Variants in GPR176 observed in about 807,000 individuals in gnomAD.
The protein encoded by GPR176 is G-protein coupled receptor 176.
GPR176 carries 26 observed loss-of-function variants against 35.4 expected under a neutral mutation model. That is an observed-to-expected ratio of 0.74 (90% CI 0.54 to 1.02). The LOEUF (loss-of-function observed/expected upper bound fraction) is 1.02, where lower values mean the gene tolerates loss of function less well. GPR176 is among the 50% of genes least tolerant of loss of function. The probability of loss-of-function intolerance (pLI) is 0.00; values close to 1 mark genes in which losing one functional copy is unlikely to be tolerated. For synonymous variants in GPR176, 278 were observed against 271.3 expected (o/e 1.02, Z -0.24); for missense variants, 597 against 665.3 (o/e 0.90, Z 1.13).
At chr15:39,916,391 A>G (rs976254634) in intron 1 of GPR176, among the ~76,000 whole-genome samples, 1 of 152,222 alleles carries the variant, frequency 6.6e-6, no homozygotes, top group Non-Finnish European at 1.5e-5. Flanking sequence ...CCCCCAAAAT[A>G]CATATTATTT....
chr15:39,866,358 T>C (rs969936505), intron 1 of GPR176, among the ~76,000 whole-genome samples: 1 of 152,108 alleles, frequency 6.6e-6, no homozygotes, highest in Non-Finnish European at 1.5e-5. Flanking sequence ...TAAACTAAAA[T>C]GGGGAAAAAC....
intron 1 of GPR176, among the ~76,000 whole-genome samples, chr15:39,887,240 T>C (rs760742080): frequency 5.3e-5 from 8 of 152,222 alleles, no homozygotes; most frequent in Non-Finnish European, 1.0e-4. Flanking sequence ...GGCTGGGTCC[T>C]AGAAGCAGAA....
At chr15:39,902,691 G>A (rs1054277907) in intron 1 of GPR176, among the ~76,000 whole-genome samples, 3 of 152,180 alleles carry the variant, frequency 2.0e-5, no homozygotes, top group African/African-American at 7.2e-5. Context: ...TTAACACTCA[G>A]GTTGACTTCA....
In GPR176 at chr15:39,890,314, G is replaced by A. The variant is rs148210018; in HGVS notation, c.172+29541C>T. On this transcript the variant is annotated intron_variant, in intron 1 of 2. Transcript: ENST00000561100. ...CCTATTCACACTAATTTTCTAATTC[G>A]GGTTTTTTGCAGGTCACTATAGAAG... Among the ~76,000 whole-genome samples the A allele has an allele frequency of 9.9e-5, 15 of 152,208 alleles. No individual in the cohort carries two copies. The East Asian group carries it at 1.3e-3, about 14-fold the overall frequency.
chr15:39,853,001 T>C (rs942693313), intron 1 of GPR176, among the ~76,000 whole-genome samples: 12 of 152,148 alleles, frequency 7.9e-5, no homozygotes, highest in African/African-American at 2.2e-4. Flanking sequence ...TGGAAAACAG[T>C]ATGGAGGTTC....
intron 1 of GPR176, among the ~76,000 whole-genome samples, chr15:39,872,911 CTGTGTGTGTGTGTGTGTG>C (rs6145533): frequency 0.032 from 4,547 of 141,454 alleles, 162 homozygotes; most frequent in African/African-American, 0.086. Flanking sequence ...TCCAAAATAT[CTGTGTGTGTGTGTGTGTG>C]TGTGTGTGTG....
chr15:39,888,221 T>C (rs939589239), intron 1 of GPR176, among the ~76,000 whole-genome samples: 1 of 152,210 alleles, frequency 6.6e-6, no homozygotes, highest in Middle Eastern at 3.2e-3. Flanking sequence ...ACATATGTGT[T>C]AACTTCTTGC....
At chr15:39,803,607 A>G (rs992847121) in intron 2 of GPR176, among the ~76,000 whole-genome samples, 12 of 152,174 alleles carry the variant, frequency 7.9e-5, no homozygotes, top group Admixed American at 2.0e-4. Context: ...TCTGAGCACC[A>G]CCTATGCACC....
intron 2 of GPR176, 26 bp from the exon 3 acceptor site, chr15:39,802,280 T>C: frequency 6.6e-7 from 1 of 1,523,406 alleles, no homozygotes; most frequent in South Asian, 1.3e-5. Flanking sequence ...ACAAAATTAA[T>C]TCCACAGAAG....
At chr15:39,907,145 G>A (rs1051252336) in intron 1 of GPR176, among the ~76,000 whole-genome samples, 1 of 152,244 alleles carries the variant, frequency 6.6e-6, no homozygotes, top group Non-Finnish European at 1.5e-5. Flanking sequence ...TTCTAAGGCA[G>A]AGAGAACAGC....
chr15:39,816,930 G>A (rs778196016), intron 1 of GPR176, among the ~76,000 whole-genome samples: 1 of 151,990 alleles, frequency 6.6e-6, no homozygotes, highest in Non-Finnish European at 1.5e-5. Context: ...TTAGCCTGGT[G>A]TGGTGGCATG....
At chr15:39,802,960 A>G (rs761448092) in intron 2 of GPR176, among the ~76,000 whole-genome samples, 15 of 152,232 alleles carry the variant, frequency 9.9e-5, no homozygotes, top group Non-Finnish European at 2.9e-5. Flanking sequence ...ATTTTTGTTA[A>G]AATCAGATGA....
At chr15:39,825,857 T>C (rs1900605716) in intron 1 of GPR176, among the ~76,000 whole-genome samples, 1 of 152,216 alleles carries the variant, frequency 6.6e-6, no homozygotes, top group Admixed American at 6.5e-5. Context: ...CAGTGCTTCA[T>C]GGATGAGGCA....
rs369873009 is a variant in GPR176 at position 39,910,696 on chromosome 15, G to C, written c.172+9159C>G. ...GCTCTGGAATAGACAAGATAGAAAA[G>C]GTTGAGGAGAGGAATAGGGGAGATT... On this transcript the variant is annotated intron_variant, in intron 1 of 2. Transcript: ENST00000561100. 2.6e-4 allele frequency among the ~76,000 whole-genome samples: 39 copies of C among 152,238 alleles called. No homozygotes were observed. In the East Asian group the frequency reaches 4.1e-3, roughly 16 times the overall value.
chr15:39,816,040 T>A (rs1899877785), intron 1 of GPR176, among the ~76,000 whole-genome samples: 1 of 152,168 alleles, frequency 6.6e-6, no homozygotes, highest in African/African-American at 2.4e-5. Flanking sequence ...TGAAATAAGC[T>A]AGGCACAGAA....
intron 1 of GPR176, among the ~76,000 whole-genome samples, chr15:39,855,618 A>C (rs1204859173): frequency 6.6e-6 from 1 of 152,152 alleles, no homozygotes; most frequent in Non-Finnish European, 1.5e-5. Flanking sequence ...TATAAAGGCC[A>C]CTAGAATAGT....
intron 1 of GPR176, among the ~76,000 whole-genome samples, chr15:39,854,924 A>G (rs2031111602): frequency 6.6e-6 from 1 of 151,958 alleles, no homozygotes; most frequent in Non-Finnish European, 1.5e-5. Context: ...GGTGGTGCAC[A>G]CCGGTGATCC....
At chr15:39,887,226 A>C (rs561522933) in intron 1 of GPR176, among the ~76,000 whole-genome samples, 37 of 152,360 alleles carry the variant, frequency 2.4e-4, no homozygotes, top group Non-Finnish European at 4.6e-4. Context: ...GGCAACTCAA[A>C]AGTGGCTGGG....
intron 1 of GPR176, among the ~76,000 whole-genome samples, chr15:39,902,697 C>T (rs1328169956): frequency 1.3e-5 from 2 of 152,236 alleles, no homozygotes; most frequent in Non-Finnish European, 2.9e-5. Context: ...CTCAGGTTGA[C>T]TTCAGAGAGT....
Sources: allele counts gnomAD v4.1 joint callset (sites outside exome capture counted in the v4.1 genomes callset), GRCh38; gene constraint gnomAD v4.1.1; transcripts MANE v1.5; gene names NCBI Gene and HGNC (gene_info 2026-07-23, HGNC 2026-07-21).